Variants in GHR observed in about 807,000 individuals in gnomAD.
GHR encodes growth hormone receptor.
In GHR, 35 loss-of-function variants were observed where a neutral mutation model predicts 67.1. The observed-to-expected ratio is 0.52, with a 90% CI of 0.40 to 0.69. The LOEUF (loss-of-function observed/expected upper bound fraction) is 0.69. Among genes scored for constraint, GHR ranks in the 30% least tolerant of loss-of-function variants. The pLI, the probability that GHR is intolerant of heterozygous loss-of-function variation, is 0.00. For missense variants in GHR, 792 were observed against 764.6 expected (o/e 1.04, Z -0.42); for synonymous variants, 272 against 269.1 (o/e 1.01, Z -0.10).
intron 1 of GHR, among the ~76,000 whole-genome samples, chr5:42,469,179 G>C (rs1310629188): frequency 6.6e-6 from 1 of 152,178 alleles, no homozygotes; most frequent in Non-Finnish European, 1.5e-5. Flanking sequence ...ATTATTTACT[G>C]CTAACAAACT....
chr5:42,623,030 AGG>A (rs1753531706), intron 2 of GHR, among the ~76,000 whole-genome samples: 1 of 152,200 alleles, frequency 6.6e-6, no homozygotes, highest in African/African-American at 2.4e-5. Context: ...AGTTCTCCAT[AGG>A]AAAAGACATG....
intron 1 of GHR, among the ~76,000 whole-genome samples, chr5:42,562,614 G>A (rs1359733073): frequency 7.3e-6 from 1 of 136,080 alleles, no homozygotes; most frequent in Non-Finnish European, 1.6e-5. Context: ...ATGGACATAT[G>A]TTCAGCTTGT....
At chr5:42,465,824 C>T in intron 1 of GHR, 2 of 772,650 alleles carry the variant, frequency 2.6e-6, no homozygotes, top group East Asian at 4.9e-5. Context: ...ACCACCATGA[C>T]CTTGAATAGG....
intron 1 of GHR, among the ~76,000 whole-genome samples, chr5:42,458,168 G>A (rs540572595): frequency 1.3e-5 from 2 of 152,226 alleles, no homozygotes; most frequent in African/African-American, 4.8e-5. Flanking sequence ...TGGACAATGA[G>A]AATGTTTTTG....
intron 1 of GHR, among the ~76,000 whole-genome samples, chr5:42,444,648 G>C (rs1743730206): frequency 6.6e-6 from 1 of 152,060 alleles, no homozygotes; most frequent in African/African-American, 2.4e-5. Context: ...CTTTCCATGT[G>C]TATTTTCTGT....
intron 1 of GHR, among the ~76,000 whole-genome samples, chr5:42,510,316 C>T (rs1426712274): frequency 6.6e-6 from 1 of 152,138 alleles, no homozygotes; most frequent in Non-Finnish European, 1.5e-5. Flanking sequence ...CATTTTTCTC[C>T]CTTCACCCCT....
Position 42,720,681 on chromosome 5 carries a change from A to C in GHR, c.*1257A>C, listed in dbSNP as rs1758976318. 6.6e-6 allele frequency: 1 copy of C among 152,242 alleles called. No homozygotes were observed. The highest frequency in any genetic ancestry group is 2.4e-5 in the African/African-American group (1 of 41,458). 9.4% of individuals were successfully genotyped at this position (152,242 alleles called of 1,614,324 possible). On this transcript the variant is annotated 3_prime_UTR_variant, in exon 10 of 10. Transcript: ENST00000230882. ...TGATAATGAACAGAACATAGACAGAAGAAACAAGGTTTTCAGTCCCCACAG... is the reference window on the plus strand; with the variant it reads ...TGATAATGAACAGAACATAGACAGACGAAACAAGGTTTTCAGTCCCCACAG...
At chr5:42,577,283 T>C (rs948680104) in intron 2 of GHR, among the ~76,000 whole-genome samples, 8 of 152,222 alleles carry the variant, frequency 5.3e-5, no homozygotes, top group Admixed American at 3.3e-4. Flanking sequence ...GTGGACAAGA[T>C]GATTCCTAAG....
chr5:42,475,998 A>G (rs1431916341), intron 1 of GHR, among the ~76,000 whole-genome samples: 13 of 147,938 alleles, frequency 8.8e-5, no homozygotes, highest in African/African-American at 3.3e-4. Context: ...TCCGCCTCCC[A>G]GGCTCACGCC....
intron 3 of GHR, among the ~76,000 whole-genome samples, chr5:42,636,439 C>A (rs1754198522): frequency 6.6e-6 from 1 of 152,136 alleles, no homozygotes; most frequent in African/African-American, 2.4e-5. Flanking sequence ...GTTAAAGCAT[C>A]CAACAGTTGG....
intron 3 of GHR, among the ~76,000 whole-genome samples, chr5:42,651,512 A>G (rs942044992): frequency 2.3e-4 from 35 of 152,182 alleles, no homozygotes; most frequent in Non-Finnish European, 7.3e-5. Flanking sequence ...CAGCCATACC[A>G]TAGTATACTG....
intron 1 of GHR, among the ~76,000 whole-genome samples, chr5:42,558,794 G>A (rs978005573): frequency 6.6e-6 from 1 of 152,100 alleles, no homozygotes; most frequent in Non-Finnish European, 1.5e-5. Flanking sequence ...TTTTCAGAAT[G>A]TATTCCTGTC....
At chr5:42,574,539 G>C (rs1160295477) in intron 2 of GHR, among the ~76,000 whole-genome samples, 1 of 152,152 alleles carries the variant, frequency 6.6e-6, no homozygotes, top group Non-Finnish European at 1.5e-5. Context: ...GGCCATATTT[G>C]CTTGACAAAC....
At chr5:42,576,046 TAATA>T (rs1337716996) in intron 2 of GHR, among the ~76,000 whole-genome samples, 1,379 of 55,826 alleles carry the variant, frequency 0.025, 112 homozygotes, top group African/African-American at 0.083. Context: ...AAAATTAAAA[TAATA>T]AAATAAAATA....
chr5:42,594,502 A>C (rs1404737881), intron 2 of GHR, among the ~76,000 whole-genome samples: 1 of 152,138 alleles, frequency 6.6e-6, no homozygotes, highest in Non-Finnish European at 1.5e-5. Context: ...ACTACATTGG[A>C]TATATTATTA....
At position 42,565,910 on chromosome 5, in the gene GHR, G is replaced by A. The variant is rs1749901678; in HGVS notation, c.36G>A (p.Leu12=). ...DLWQLLLTLA[L]AGSSDAFSGS... Reference sequence around the variant, plus strand: ...GGCAGCTGCTGTTGACCTTGGCACTGGCAGGATCAAGTGATGCTTTTTCTG... The same window carrying A: ...GGCAGCTGCTGTTGACCTTGGCACTAGCAGGATCAAGTGATGCTTTTTCTG... Residue 12 remains leucine, a synonymous_variant, in exon 2 of 10, where the codon CTG becomes CTA. Transcript: ENST00000230882. 1.2e-6 allele frequency: 2 copies of A among 1,614,088 alleles called. No homozygotes were observed. Among genetic ancestry groups the A allele is most frequent in the East Asian group, 2.2e-5 (1 of 44,882 alleles).
Position 42,584,171 on chromosome 5 carries a change from T to C in GHR, c.70+18227T>C, listed in dbSNP as rs1327079165. ...TTTTTTAATGTGCTTCTTTGGTGTT[T>C]AGTGATTATTTAGTCTTCCGTGAAG... On this transcript the variant is annotated intron_variant, in intron 2 of 9. Transcript: ENST00000230882. Among the ~76,000 whole-genome samples, 3 of 152,218 alleles carry C rather than the reference T, an allele frequency of 2.0e-5. No homozygotes were observed. The South Asian group carries it at 6.2e-4, about 32-fold the overall frequency.
intron 1 of GHR, among the ~76,000 whole-genome samples, chr5:42,520,937 A>G (rs548079110): frequency 1.3e-5 from 2 of 152,162 alleles, no homozygotes; most frequent in South Asian, 2.1e-4. Context: ...CACATCACCT[A>G]TTGGACTACC....
At chr5:42,685,872 A>T (rs900648553) in intron 3 of GHR, among the ~76,000 whole-genome samples, 3 of 151,982 alleles carry the variant, frequency 2.0e-5, no homozygotes, top group Admixed American at 1.3e-4. Context: ...TTGCAAAAAT[A>T]TTCCCCCATT....
Sources: allele counts gnomAD v4.1 joint callset (sites outside exome capture counted in the v4.1 genomes callset), GRCh38; gene constraint gnomAD v4.1.1; transcripts MANE v1.5; gene names NCBI Gene and HGNC (gene_info 2026-07-23, HGNC 2026-07-21).